TTN: variants seen among roughly 807,000 people sequenced by gnomAD.
TTN encodes the protein connectin.
In TTN, 1,525 loss-of-function variants were observed where a neutral mutation model predicts 3,223.0. The ratio of observed to expected loss-of-function variants is 0.47; its 90% CI spans 0.45 to 0.49. The LOEUF (loss-of-function observed/expected upper bound fraction) is 0.49. Ranked by LOEUF, TTN falls within the 20% of genes least tolerant of loss-of-function variation. The probability of loss-of-function intolerance (pLI) is 0.00; values close to 1 mark genes in which losing one functional copy is unlikely to be tolerated. For missense variants in TTN, 40,786 were observed against 43,424.0 expected (o/e 0.94, Z 5.40); for synonymous variants, 14,094 against 15,161.0 (o/e 0.93, Z 5.17).
intron 121 of TTN, among the ~76,000 whole-genome samples, chr2:178,691,431 C>T (rs529993297): frequency 3.3e-5 from 5 of 152,060 alleles, no homozygotes; most frequent in Non-Finnish European, 4.4e-5. Context: ...AATTAGATAA[C>T]GGAAACATTT....
rs1295057391 is a variant in TTN at position 178,568,701 on chromosome 2, C to T, written c.77431G>A (p.Val25811Ile). The change falls in exon 326 of 363, where the codon GTT (valine) becomes ATT (isoleucine). Residue 25811 changes from valine to isoleucine, a missense_variant. By Grantham distance (29) the Val-to-Ile change is conservative (BLOSUM62 3). Coordinates refer to ENST00000589042, the MANE Select transcript of TTN (RefSeq NM_001267550.2). Reference protein sequence around the residue: ...KPAFSSYSVQVGQDLKIEVPI... With the variant: ...KPAFSSYSVQIGQDLKIEVPI... ...ACTTCTATTTTCAAATCTTGGCCAA[C>T]CTGTACACTGTAACTACTGAATGCA... 3 of 1,613,320 alleles carry T rather than the reference C, an allele frequency of 1.9e-6. No individual in the cohort carries two copies. The highest frequency in any genetic ancestry group is 2.2e-5 in the East Asian group (1 of 44,750).
rs759406486 is a variant in TTN at position 178,624,692 on chromosome 2, G to C, written c.44588C>G (p.Thr14863Arg). 8.7e-6 allele frequency: 14 copies of C among 1,612,296 alleles called. No individual in the cohort carries two copies. Among genetic ancestry groups the C allele is most frequent in the Non-Finnish European group, 1.1e-5 (13 of 1,178,982 alleles). The change falls in exon 242 of 363, where the codon ACG (threonine) becomes AGG (arginine). Residue 14863 changes from threonine (T) to arginine (R), a missense_variant. Physicochemically the swap from Thr to Arg is moderately conservative, Grantham distance 71. Coordinates refer to ENST00000589042, the MANE Select transcript of TTN (RefSeq NM_001267550.2). ...VEFTKPLEDQ[T>R]VEEGATAVLE... ...CACTGCAGTGGCTCCCTCTTCGACCGTCTGGTCCTCAAGAGGCTTAGTGAA... is the reference window on the plus strand; with the variant it reads ...CACTGCAGTGGCTCCCTCTTCGACCCTCTGGTCCTCAAGAGGCTTAGTGAA...
In TTN at chr2:178,775,500, C is replaced by G. The variant is rs748790571; in HGVS notation, c.6364G>C (p.Asp2122His). The G allele has an allele frequency of 6.2e-7, 1 of 1,613,988 alleles. No individual in the cohort carries two copies. ...YKNGVKIERS[D>H]RIYWYWPEDN... ...TCGGGCCAGTACCAGTAGATCCGGTCAGACCGTTCAATTTTGACACCATTT... is the reference window on the plus strand; with the variant it reads ...TCGGGCCAGTACCAGTAGATCCGGTGAGACCGTTCAATTTTGACACCATTT... The change falls in exon 28 of 363, where the codon GAC (aspartate) becomes CAC (histidine). Residue 2122 changes from aspartate to histidine, a missense_variant. Physicochemically the swap from Asp to His is moderately conservative, Grantham distance 81 (BLOSUM62 -1). Coordinates refer to ENST00000589042, the MANE Select transcript of TTN (RefSeq NM_001267550.2).
At position 178,702,260 on chromosome 2, in the gene TTN, C is replaced by T. The variant is rs373562293; in HGVS notation, c.30434-15G>A. The T allele has an allele frequency of 4.3e-6, 7 of 1,613,904 alleles. No individual in the cohort carries two copies. In the African/African-American group the frequency reaches 5.3e-5, roughly 12 times the overall value. The stretch of plus-strand genomic sequence containing the variant: ...CGAGTAGACACCTAGGGTGAAAAAT[C>T]ATCCAACTTTTGTTTTCTGATATGT... On this transcript the variant is annotated splice_polypyrimidine_tract_variant and intron_variant, in intron 107 of 362. Transcript: ENST00000589042.
chr2:178,739,078 A>C, intron 48 of TTN, 63 bp downstream of exon 48: 2 of 1,455,744 alleles, frequency 1.4e-6, no homozygotes, highest in Non-Finnish European at 1.8e-6. Context: ...TAAGTGATGC[A>C]AGCTAAATCA....
chr2:178,730,457 C>A (rs767803882), intron 61 of TTN, 48 bp downstream of exon 61: 90 of 1,556,546 alleles, frequency 5.8e-5, no homozygotes, highest in Non-Finnish European at 7.8e-5. Flanking sequence ...AGAAATGAAA[C>A]AAAAATATTT....
chr2:178,569,239 G>A lies in TTN; in HGVS notation c.76893C>T (p.Ser25631=). 6.2e-7 allele frequency: 1 copy of A among 1,602,442 alleles called. No individual in the cohort carries two copies. The highest frequency in any genetic ancestry group is 8.5e-7 in the Non-Finnish European group (1 of 1,173,750). Residue 25631 remains serine (S), a synonymous_variant, in exon 326 of 363, where the codon TCC becomes TCT. Coordinates refer to ENST00000589042, the MANE Select transcript of TTN (RefSeq NM_001267550.2). ...TCTCAACAATGTAATTTTTTATTTTGGATCCCCCATCCAACAAAGGAGGTT... is the reference window on the plus strand; with the variant it reads ...TCTCAACAATGTAATTTTTTATTTTAGATCCCCCATCCAACAAAGGAGGTT... The part of the protein sequence containing the change: ...TWEPPLLDGG[S]KIKNYIVEKR...
At position 178,673,639 on chromosome 2, in the gene TTN, C is replaced by A; in HGVS notation, c.34780G>T (p.Ala11594Ser). The A allele has an allele frequency of 6.3e-7, 1 of 1,592,598 alleles. No homozygotes were observed. The highest frequency in any genetic ancestry group is 1.4e-5 in the African/African-American group (1 of 73,674). ...PVPKKVEAPP[A>S]KVSKKIPEEK... is the part of the protein sequence containing the mutation. ...TAATGAGGATTTGATATACCTTTAG[C>A]TGGTGGTGCCTCCACTTTTTTAGGA... The change falls in exon 152 of 363, where the codon GCT (alanine) becomes TCT (serine). Residue 11594 changes from alanine (A) to serine (S), a missense_variant. Physicochemically the swap from Ala to Ser is moderately conservative, Grantham distance 99. Transcript: ENST00000589042.
Position 178,779,333 on chromosome 2 carries a change from C to T in TTN, c.3859G>A (p.Glu1287Lys), listed in dbSNP as rs1432153825. The T allele has an allele frequency of 6.2e-7, 1 of 1,613,284 alleles. No homozygotes were observed. Among genetic ancestry groups the T allele is most frequent in the South Asian group, 1.1e-5 (1 of 91,048 alleles). Residue 1287 changes from glutamate (E) to lysine (K), a missense_variant, in exon 23 of 363, where the codon GAA (glutamate) becomes AAA (lysine). Coordinates refer to ENST00000589042, the MANE Select transcript of TTN (RefSeq NM_001267550.2). ...EKMAVDISES[E>K]AVESGFDSRI... ...GAATCAAATCCTGATTCAACAGCTT[C>T]AGATTCAGAAATGTCAACTGCCATC...
Position 178,712,123 on chromosome 2 carries a change from A to G in TTN, c.27707T>C (p.Val9236Ala), listed in dbSNP as rs1034794926. 2.5e-6 allele frequency: 4 copies of G among 1,613,722 alleles called. No homozygotes were observed. Among genetic ancestry groups the G allele is most frequent in the Non-Finnish European group, 3.4e-6 (4 of 1,179,780 alleles). The stretch of plus-strand genomic sequence containing the variant: ...TTTTGTATCTCCTTTATACCAGGAT[A>G]CCCCAATTTCAGGGGTTCCAGCAAG... ...CQLAGTPEIG[V>A]SWYKGDTKLR... is the part of the protein sequence containing the mutation. Residue 9236 changes from valine (V) to alanine (A), a missense_variant, in exon 96 of 363, where the codon GTA becomes GCA. By Grantham distance (64) the Val-to-Ala change is moderately conservative. Transcript: ENST00000589042.
At position 178,590,433 on chromosome 2, in the gene TTN, G is replaced by A. The variant is rs2049959864; in HGVS notation, c.61292C>T (p.Ala20431Val). The change falls in exon 304 of 363, where the codon GCC (alanine) becomes GTC (valine). Residue 20431 changes from alanine (A) to valine (V), a missense_variant. Ala to Val is a moderately conservative substitution (Grantham distance 64). Transcript: ENST00000589042. Reference sequence around the variant, plus strand: ...TTCAATTAGTCCAGGTACCCTAAAGGCACATTGCCTAATGAGTTCATCTTT... The same window carrying A: ...TTCAATTAGTCCAGGTACCCTAAAGACACATTGCCTAATGAGTTCATCTTT... ...INKDELIRQC[A>V]FRVPGLIEGN... 1 of 1,612,404 alleles carries A rather than the reference G, an allele frequency of 6.2e-7. No homozygotes were observed. The highest frequency in any genetic ancestry group is 1.1e-5 in the South Asian group (1 of 90,812).
In TTN at chr2:178,679,940, CTCT is replaced by C. The variant is rs778587728; in HGVS notation, c.33531_33533del (p.Glu11179del). 1.2e-6 allele frequency: 2 copies of C among 1,613,162 alleles called. No individual in the cohort carries two copies. The highest frequency in any genetic ancestry group is 3.3e-5 in the Admixed American group (2 of 59,884). On this transcript the variant is annotated inframe_deletion, in exon 140 of 363. Transcript: ENST00000589042. ...CCACTTCTTCCTCAGTTATGAACTC[CTCT>C]TCTTCATGAATGTACTCTTCTTCTT...
chr2:178,785,976 C>T lies in TTN; in HGVS notation c.2242G>A (p.Glu748Lys). The change falls in exon 14 of 363, where the codon GAG becomes AAG. Residue 748 changes from glutamate to lysine, a missense_variant. Coordinates refer to ENST00000589042, the MANE Select transcript of TTN (RefSeq NM_001267550.2). ...KERISAAKVA[E>K]PPQRPASEPH... ...TCTGAGGCTGGACGTTGGGGAGGCT[C>T]AGCTACCTTTGCGGCGGAAATGCGT... 1 of 1,614,114 alleles carries T rather than the reference C, an allele frequency of 6.2e-7. No individual in the cohort carries two copies. The highest frequency in any genetic ancestry group is 8.5e-7 in the Non-Finnish European group (1 of 1,180,000).
At chr2:178,736,372 T>C (rs2081437592) in intron 49 of TTN, among the ~76,000 whole-genome samples, 1 of 152,192 alleles carries the variant, frequency 6.6e-6, no homozygotes. Flanking sequence ...TTTAATTATT[T>C]GATAAGCTAT....
At position 178,599,690 on chromosome 2, in the gene TTN, A is replaced by G. The variant is rs1338848786; in HGVS notation, c.56211T>C (p.His18737=). 6 of 1,612,950 alleles carry G rather than the reference A, an allele frequency of 3.7e-6. No homozygotes were observed. The African/African-American group carries it at 5.3e-5, about 14-fold the overall frequency. Residue 18737 remains histidine (H), a synonymous_variant, in exon 289 of 363, where the codon CAT becomes CAC. Coordinates refer to ENST00000589042, the MANE Select transcript of TTN (RefSeq NM_001267550.2). ...TATCATCTACCACCAGTTTGTTGAC[A>G]TGGGTGTCATAGAGAACAGGTTCTT... ...DNKEPVLYDT[H]VNKLVVDDTC...
rs577266000 is a variant in TTN at position 178,588,051 on chromosome 2, C to T, written c.63356G>A (p.Cys21119Tyr). ...DASPDEGWKRCNAAAQLVRKE... is the reference protein window; with the variant it reads ...DASPDEGWKRYNAAAQLVRKE... ...GCGTACAAGCTGTGCTGCAGCATTA[C>T]ACCGTTTCCAGCCTTCATCAGGAGA... is the stretch of plus-strand genomic sequence containing the variant. Residue 21119 changes from cysteine (C) to tyrosine (Y), a missense_variant, in exon 305 of 363, where the codon TGT (cysteine) becomes TAT (tyrosine). Cys to Tyr is a radical substitution (Grantham distance 194). Transcript: ENST00000589042. The T allele has an allele frequency of 1.1e-5, 18 of 1,612,906 alleles. No individual in the cohort carries two copies. The highest frequency in any genetic ancestry group is 1.5e-5 in the Non-Finnish European group (18 of 1,179,368).
rs2058272379 is a variant in TTN at position 178,621,494 on chromosome 2, A to G, written c.45330T>C (p.Asp15110=). The G allele has an allele frequency of 2.5e-6, 4 of 1,612,358 alleles. No homozygotes were observed. Among genetic ancestry groups the G allele is most frequent in the East Asian group, 2.2e-5 (1 of 44,638 alleles). The change falls in exon 245 of 363, where the codon GAT becomes GAC. Residue 15110 remains aspartate (D), a synonymous_variant. Coordinates refer to ENST00000589042, the MANE Select transcript of TTN (RefSeq NM_001267550.2). ...YNCRLPSSRT[D]GKVKVHELAA... ...TCATACCATGTACTTTGACTTTGCC[A>G]TCGGTTCGAGAGCTTGGGAGTCGAC...
rs2071784579 is a variant in TTN at position 178,689,548 on chromosome 2, C to T, written c.31894G>A (p.Val10632Ile). 1 of 1,610,250 alleles carries T rather than the reference C, an allele frequency of 6.2e-7. No homozygotes were observed. Among genetic ancestry groups the T allele is most frequent in the Non-Finnish European group, 8.5e-7 (1 of 1,177,942 alleles). ...GVVTEEKITI[V>I]TQREESPPPA... Reference sequence around the variant, plus strand: ...GGTGGAGATTCCTCTCTTTGAGTTACAATGGTTATTTTTTCTTCTGTCACA... The same window carrying T: ...GGTGGAGATTCCTCTCTTTGAGTTATAATGGTTATTTTTTCTTCTGTCACA... The change falls in exon 123 of 363, where the codon GTA becomes ATA. Residue 10632 changes from valine (V) to isoleucine (I), a missense_variant. Coordinates refer to ENST00000589042, the MANE Select transcript of TTN (RefSeq NM_001267550.2).
chr2:178,544,616 C>A, intron 344 of TTN, 110 bp from the exon 345 acceptor site: 1 of 869,704 alleles, frequency 1.1e-6, no homozygotes, highest in South Asian at 1.8e-5. Flanking sequence ...TGTCCACACT[C>A]ACCAAGATAA....
Sources: gnomAD v4.1 joint callset for allele counts (sites outside exome capture counted in the v4.1 genomes callset) on GRCh38, gnomAD v4.1.1 for gene constraint, MANE v1.5 for transcripts, NCBI Gene and HGNC (gene_info 2026-07-23, HGNC 2026-07-21) for gene names.